Variants in KCND2 observed in about 807,000 individuals in gnomAD.
KCND2 encodes the protein A-type voltage-gated potassium channel KCND2.
KCND2 carries 16 observed loss-of-function variants against 54.4 expected under a neutral mutation model. That is an observed-to-expected ratio of 0.29 (90% CI 0.20 to 0.45). KCND2 has a LOEUF of 0.45. Ranked by LOEUF, KCND2 falls within the 20% of genes least tolerant of loss-of-function variation. The pLI is 1.00. For missense variants in KCND2, 486 were observed against 824.2 expected (o/e 0.59, Z 5.02); for synonymous variants, 317 against 310.7 (o/e 1.02, Z -0.21).
At chr7:120,481,158 C>G (rs1329976279) in intron 1 of KCND2, among the ~76,000 whole-genome samples, 2 of 152,160 alleles carry the variant, frequency 1.3e-5, no homozygotes, top group Admixed American at 1.3e-4. Context: ...GAAGTAAAAG[C>G]TATCCTTGTT....
intron 1 of KCND2, among the ~76,000 whole-genome samples, chr7:120,374,704 T>G (rs1288105191): frequency 6.6e-6 from 1 of 151,844 alleles, no homozygotes; most frequent in Non-Finnish European, 1.5e-5. Flanking sequence ...CCTTTCAGCC[T>G]CATAGCCTGT....
At chr7:120,498,117 G>A (rs1460470272) in intron 1 of KCND2, among the ~76,000 whole-genome samples, 1 of 152,106 alleles carries the variant, frequency 6.6e-6, no homozygotes, top group African/African-American at 2.4e-5. Context: ...TTGAAATAGG[G>A]ATACTATACC....
At chr7:120,516,672 T>C (rs1236983075) in intron 1 of KCND2, among the ~76,000 whole-genome samples, 4 of 152,222 alleles carry the variant, frequency 2.6e-5, no homozygotes, top group Non-Finnish European at 4.4e-5. Context: ...TGGGGTTGGA[T>C]TGGCCAAACT....
intron 1 of KCND2, among the ~76,000 whole-genome samples, chr7:120,574,110 G>A (rs1264532939): frequency 6.6e-6 from 1 of 152,114 alleles, no homozygotes; most frequent in Non-Finnish European, 1.5e-5. Flanking sequence ...AAAACGTTAA[G>A]GTTTAAGATC....
intron 2 of KCND2, among the ~76,000 whole-genome samples, chr7:120,738,898 G>T (rs1179936192): frequency 6.6e-6 from 1 of 151,992 alleles, no homozygotes; most frequent in Non-Finnish European, 1.5e-5. Flanking sequence ...TTGTTGTGGT[G>T]CTCCGCAAGA....
intron 1 of KCND2, among the ~76,000 whole-genome samples, chr7:120,617,030 T>C (rs1356375348): frequency 6.6e-6 from 1 of 152,172 alleles, no homozygotes; most frequent in Admixed American, 6.5e-5. Context: ...CATTAATCAT[T>C]GTGTATTAAC....
chr7:120,621,638 A>G (rs1363989462), intron 1 of KCND2, among the ~76,000 whole-genome samples: 2 of 152,228 alleles, frequency 1.3e-5, no homozygotes, highest in Non-Finnish European at 2.9e-5. Context: ...ATGATATTAA[A>G]TATCTGATTT....
At chr7:120,506,159 CATAG>C (rs1214645977) in intron 1 of KCND2, among the ~76,000 whole-genome samples, 1 of 151,398 alleles carries the variant, frequency 6.6e-6, no homozygotes, top group East Asian at 1.9e-4. Flanking sequence ...AGAGGAAATA[CATAG>C]AGAGTAGGTA....
intron 1 of KCND2, among the ~76,000 whole-genome samples, chr7:120,721,885 G>C (rs1164356972): frequency 6.6e-6 from 1 of 152,056 alleles, no homozygotes; most frequent in Non-Finnish European, 1.5e-5. Flanking sequence ...TGAATTATGG[G>C]GTCAGTTTCC....
intron 1 of KCND2, among the ~76,000 whole-genome samples, chr7:120,497,536 CA>C (rs1396529477): frequency 6.6e-6 from 1 of 152,164 alleles, no homozygotes; most frequent in Non-Finnish European, 1.5e-5. Flanking sequence ...TTTCAGGAGG[CA>C]AGTATAGCTC....
chr7:120,460,693 G>A (rs1007614841), intron 1 of KCND2, among the ~76,000 whole-genome samples: 4 of 151,938 alleles, frequency 2.6e-5, no homozygotes. Flanking sequence ...GAAGGTATCG[G>A]AGGCACCTCC....
intron 1 of KCND2, among the ~76,000 whole-genome samples, chr7:120,503,520 G>A (rs1008831954): frequency 2.6e-5 from 4 of 151,746 alleles, no homozygotes; most frequent in East Asian, 1.9e-4. Context: ...CAAACTTTCT[G>A]TCTCCCTTTG....
At chr7:120,620,044 C>G (rs1030907393) in intron 1 of KCND2, among the ~76,000 whole-genome samples, 2 of 151,958 alleles carry the variant, frequency 1.3e-5, no homozygotes, top group Non-Finnish European at 2.9e-5. Flanking sequence ...TATTTTCTGT[C>G]CAATTACATG....
chr7:120,682,532 A>C (rs944306562), intron 1 of KCND2, among the ~76,000 whole-genome samples: 14 of 152,214 alleles, frequency 9.2e-5, no homozygotes, highest in African/African-American at 3.1e-4. Context: ...TCAGCCAGAA[A>C]TTACCAGTGT....
intron 1 of KCND2, among the ~76,000 whole-genome samples, chr7:120,540,617 C>A (rs10488302): frequency 0.15 from 23,092 of 152,134 alleles, 3,389 homozygotes; most frequent in African/African-American, 0.39. Context: ...GTGATGCTCA[C>A]ATTTCCCAAA....
intron 1 of KCND2, among the ~76,000 whole-genome samples, chr7:120,400,051 T>G (rs1801224990): frequency 6.6e-6 from 1 of 152,116 alleles, no homozygotes; most frequent in African/African-American, 2.4e-5. Flanking sequence ...AAATTAAAAT[T>G]TCAGTGACAT....
At chr7:120,546,966 C>G (rs73439851) in intron 1 of KCND2, among the ~76,000 whole-genome samples, 2 of 151,656 alleles carry the variant, frequency 1.3e-5, no homozygotes, top group South Asian at 4.2e-4. Flanking sequence ...TTTTTCTCCT[C>G]TGTCTCACTA....
chr7:120,700,333 C>T (rs1792385056), intron 1 of KCND2, among the ~76,000 whole-genome samples: 1 of 152,162 alleles, frequency 6.6e-6, no homozygotes, highest in Non-Finnish European at 1.5e-5. Flanking sequence ...AGTTTAAACA[C>T]TTGTAAAGTT....
At chr7:120,287,190 C>T (rs1055942238) in intron 1 of KCND2, among the ~76,000 whole-genome samples, 1 of 151,924 alleles carries the variant, frequency 6.6e-6, no homozygotes, top group African/African-American at 2.4e-5. Context: ...ATACCATATA[C>T]AAATTTTTAT....
Sources: allele counts gnomAD v4.1 joint callset (sites outside exome capture counted in the v4.1 genomes callset), GRCh38; gene constraint gnomAD v4.1.1; transcripts MANE v1.5; gene names NCBI Gene and HGNC (gene_info 2026-07-23, HGNC 2026-07-21).